FAAH2: variants seen among roughly 807,000 people sequenced by gnomAD.
FAAH2 encodes fatty-acid amide hydrolase 2.
Under a neutral mutation model 36.9 loss-of-function variants are expected in FAAH2, and 60 were observed. The observed-to-expected ratio is 1.63, with a 90% CI of 1.32 to 2.02. The LOEUF (loss-of-function observed/expected upper bound fraction) is 2.02. Among genes scored for constraint, FAAH2 ranks in the 30% most tolerant of loss-of-function variants. The probability of loss-of-function intolerance (pLI) is 0.00; values close to 1 mark genes in which losing one functional copy is unlikely to be tolerated. For missense variants in FAAH2, 689 were observed against 397.5 expected (o/e 1.73, Z -6.23); for synonymous variants, 214 against 143.8 (o/e 1.49, Z -3.49).
chrX:57,241,545 T>TA, the FAAH2 span, among the ~76,000 whole-genome samples: 27 of 112,159 alleles, frequency 2.4e-4, no homozygotes, highest in Non-Finnish European at 4.9e-4. Flanking sequence ...AGTTCATTTT[T>TA]AAAAATTTTG....
At chrX:57,441,459 A>AT (rs1199650423) in intron 8 of FAAH2, among the ~76,000 whole-genome samples, 1 of 110,550 alleles carries the variant, frequency 9.0e-6, no homozygotes, top group Admixed American at 9.7e-5. Context: ...ACCCTTTATC[A>AT]TTTTTTATTG....
intron 5 of FAAH2, among the ~76,000 whole-genome samples, chrX:57,344,847 TC>T (rs1164147748): frequency 8.9e-6 from 1 of 111,783 alleles, no homozygotes; most frequent in Non-Finnish European, 1.9e-5. Context: ...GATGATTATA[TC>T]TTTTTTTGTT....
chrX:57,227,736 G>C, the FAAH2 span, among the ~76,000 whole-genome samples: 40,229 of 110,500 alleles, frequency 0.36, 6,279 homozygotes, highest in Middle Eastern at 0.61. Flanking sequence ...TTTGTCTCCT[G>C]CCACCAGGGT....
At chrX:57,182,131 A>T in the FAAH2 span, among the ~76,000 whole-genome samples, 1 of 111,883 alleles carries the variant, frequency 8.9e-6, no homozygotes, top group East Asian at 2.8e-4. Flanking sequence ...AGCTATAAAA[A>T]CCCTGGGAGA....
the FAAH2 span, among the ~76,000 whole-genome samples, chrX:57,204,130 A>T: frequency 9.0e-6 from 1 of 111,319 alleles, no homozygotes; most frequent in Admixed American, 9.5e-5. Context: ...TTCCATGGGA[A>T]TCATTGTGCG....
chrX:57,380,999 G>A lies in FAAH2; in HGVS notation c.966G>A (p.Val322=), dbSNP rs775025483. The A allele has an allele frequency of 1.7e-5, 20 of 1,187,686 alleles. No individual in the cohort carries two copies. The highest frequency in any genetic ancestry group is 2.3e-4 in the Middle Eastern group (1 of 4,320). Residue 322 remains valine (V), a synonymous_variant, in exon 7 of 11, where the codon GTG becomes GTA. Transcript: ENST00000374900. ...HDGGSFLMSK[V]DQDLIMTQKK... ...GAGGCTCATTTTTAATGTCCAAAGTGGACCAAGATCTCATTATGACTCAGA... is the reference window on the plus strand; with the variant it reads ...GAGGCTCATTTTTAATGTCCAAAGTAGACCAAGATCTCATTATGACTCAGA...
At chrX:57,273,721 A>C in the FAAH2 span, among the ~76,000 whole-genome samples, 1 of 111,980 alleles carries the variant, frequency 8.9e-6, no homozygotes, top group Non-Finnish European at 1.9e-5. Flanking sequence ...AGTAAGAATA[A>C]AGACACAACG....
the FAAH2 span, chrX:57,135,841 C>G: frequency 3.6e-5 from 43 of 1,200,963 alleles, no homozygotes; most frequent in Non-Finnish European, 4.8e-5. Flanking sequence ...TTCACCAAAT[C>G]GTAGACATAG....
At chrX:57,411,134 CT>C (rs1227205907) in intron 7 of FAAH2, among the ~76,000 whole-genome samples, 1 of 111,870 alleles carries the variant, frequency 8.9e-6, no homozygotes, top group Non-Finnish European at 1.9e-5. Flanking sequence ...GCGTTCAGAC[CT>C]TTTCCATGGA....
Position 57,393,734 on chromosome X carries a change from G to A in FAAH2, c.996+12705G>A, listed in dbSNP as rs2055223307. On this transcript the variant is annotated intron_variant, in intron 7 of 10. Transcript: ENST00000374900. ...TAGAGAAGTGGTGAGAGCCAGGACA[G>A]CCATAATTTCACTGGCCACAGAGAT... 6 of 1,016,121 alleles carry A rather than the reference G, an allele frequency of 5.9e-6. No individual in the cohort carries two copies. The East Asian group carries it at 1.8e-4, about 31-fold the overall frequency. The allele number at this position is 1,016,121 out of a possible 1,213,427, so 83.7% of individuals were successfully genotyped here.
At chrX:57,286,174 G>A (rs1251487957), upstream of FAAH2, among the ~76,000 whole-genome samples, 1 of 111,820 alleles carries the variant, frequency 8.9e-6, no homozygotes, top group African/African-American at 3.3e-5. Flanking sequence ...GTCCAGTTTA[G>A]GAGACAGATG....
chrX:57,319,505 C>T lies in FAAH2; in HGVS notation c.412+8776C>T, dbSNP rs775996670. On this transcript the variant is annotated intron_variant, in intron 3 of 10. Coordinates refer to ENST00000374900, the MANE Select transcript of FAAH2 (RefSeq NM_174912.4). The stretch of plus-strand genomic sequence containing the variant: ...CTTCAAGGAGAACTACAAACCACTG[C>T]TCAAGGAAGTAAGAGAGGACACAAA... Among the ~76,000 whole-genome samples, 8 of 111,794 alleles carry T rather than the reference C, an allele frequency of 7.2e-5. No homozygotes were observed. In the South Asian group the frequency reaches 2.6e-3, roughly 37 times the overall value.
chrX:57,478,038 G>T (rs964473831), intron 10 of FAAH2, among the ~76,000 whole-genome samples: 2 of 111,810 alleles, frequency 1.8e-5, no homozygotes, highest in African/African-American at 6.5e-5. Context: ...GCTATTTCTA[G>T]TTCTAGATCC....
chrX:57,381,153 G>T (rs745981366), intron 7 of FAAH2, 124 bp downstream of exon 7: 1 of 439,336 alleles, frequency 2.3e-6, no homozygotes, highest in Non-Finnish European at 3.8e-6. Flanking sequence ...TTTCAGAACA[G>T]TTATACTAAG....
chrX:57,341,528 T>C, intron 5 of FAAH2, 138 bp downstream of exon 5: 2 of 742,572 alleles, frequency 2.7e-6, no homozygotes, highest in South Asian at 4.3e-5. Flanking sequence ...AACTAGCTAC[T>C]GTTTATTGAG....
the FAAH2 span, among the ~76,000 whole-genome samples, chrX:57,221,829 A>G: frequency 9.1e-6 from 1 of 109,604 alleles, no homozygotes; most frequent in Non-Finnish European, 1.9e-5. Flanking sequence ...CACCTGGTGC[A>G]TACTACCTCA....
intron 10 of FAAH2, among the ~76,000 whole-genome samples, chrX:57,483,907 C>A (rs2147285793): frequency 9.3e-6 from 1 of 107,023 alleles, no homozygotes; most frequent in East Asian, 3.0e-4. Flanking sequence ...TCAAGCGATT[C>A]TCCTGCCTCA....
intron 4 of FAAH2, among the ~76,000 whole-genome samples, chrX:57,332,357 G>A (rs906247405): frequency 1.8e-5 from 2 of 112,150 alleles, no homozygotes; most frequent in African/African-American, 6.5e-5. Context: ...CAGGTTTCTG[G>A]TCTAGCATAT....
At chrX:57,286,129 A>T (rs1400256432), upstream of FAAH2, among the ~76,000 whole-genome samples, 2 of 111,943 alleles carry the variant, frequency 1.8e-5, no homozygotes, top group African/African-American at 6.5e-5. Context: ...TCTGGAAGAC[A>T]TTCACATGGA....
Sources: gnomAD v4.1 joint callset for allele counts (sites outside exome capture counted in the v4.1 genomes callset) on GRCh38, gnomAD v4.1.1 for gene constraint, MANE v1.5 for transcripts, NCBI Gene and HGNC (gene_info 2026-07-23, HGNC 2026-07-21) for gene names.